AOAH: variants seen among roughly 807,000 people sequenced by gnomAD.
AOAH encodes the protein acyloxyacyl hydrolase (neutrophil).
In AOAH, 64 loss-of-function variants were observed where a neutral mutation model predicts 92.2. The observed-to-expected ratio is 0.69, with a 90% CI of 0.57 to 0.86. The LOEUF is 0.86. Ranked by LOEUF, AOAH falls within the 40% of genes least tolerant of loss-of-function variation. AOAH has a pLI of 0.00. For synonymous variants in AOAH, 263 were observed against 254.5 expected (o/e 1.03, Z -0.32); for missense variants, 656 against 694.6 (o/e 0.94, Z 0.62).
At chr7:36,556,806 C>A (rs1405907033) in intron 13 of AOAH, among the ~76,000 whole-genome samples, 3 of 144,094 alleles carry the variant, frequency 2.1e-5, no homozygotes, top group African/African-American at 7.7e-5. Context: ...AGGATTGCAA[C>A]CCCTGCCTTT....
chr7:36,703,827 T>C (rs1197793324), intron 1 of AOAH, among the ~76,000 whole-genome samples: 1 of 152,226 alleles, frequency 6.6e-6, no homozygotes, highest in Admixed American at 6.6e-5. Flanking sequence ...ATATACCCAC[T>C]AATGGGATTG....
rs78667684 is a variant in AOAH at position 36,564,929 on chromosome 7, C to T, written c.1021+11645G>A. Among the ~76,000 whole-genome samples the T allele has an allele frequency of 3.1e-3, 470 of 152,154 alleles. 9 individuals carry two copies. The East Asian group carries it at 0.052, about 17-fold the overall frequency. On this transcript the variant is annotated intron_variant, in intron 13 of 20. Transcript: ENST00000617537. ...GAATCAGAATGTCTCCATTATTTAA[C>T]GAACCTTTAAATTTCAAAACCTTGA...
intron 15 of AOAH, among the ~76,000 whole-genome samples, chr7:36,547,056 T>C (rs1345490111): frequency 6.6e-6 from 1 of 152,256 alleles, no homozygotes; most frequent in Non-Finnish European, 1.5e-5. Flanking sequence ...GCAAGTTCCT[T>C]ATCCTTGCCA....
Position 36,558,547 on chromosome 7 carries a change from C to T in AOAH, c.1022-9072G>A, listed in dbSNP as rs368895493. On this transcript the variant is annotated intron_variant, in intron 13 of 20. Transcript: ENST00000617537. ...TTAAGTCTGCAGAGGTTACTGCTGT[C>T]TTTTTGTTTGTCTGTGCCCTGCCCC... 2.7e-3 allele frequency among the ~76,000 whole-genome samples: 417 copies of T among 152,380 alleles called. 1 individual carries two copies. Among genetic ancestry groups the T allele is most frequent in the African/African-American group, 8.3e-3 (347 of 41,592 alleles).
At chr7:36,528,509 T>C (rs917724788) in intron 19 of AOAH, among the ~76,000 whole-genome samples, 8 of 152,208 alleles carry the variant, frequency 5.3e-5, no homozygotes, top group Middle Eastern at 3.2e-3. Context: ...AGCACCTTCA[T>C]AGCTCCTGGC....
chr7:36,585,802 C>T (rs1168615629), intron 12 of AOAH, among the ~76,000 whole-genome samples: 1 of 152,194 alleles, frequency 6.6e-6, no homozygotes, highest in African/African-American at 2.4e-5. Context: ...TCACACTAAA[C>T]TGATCACAGG....
intron 16 of AOAH, among the ~76,000 whole-genome samples, chr7:36,534,994 CTGCTTGTGTGTATCTGTG>C (rs1287187170): frequency 7.6e-6 from 1 of 131,984 alleles, no homozygotes; most frequent in African/African-American, 2.9e-5. Flanking sequence ...TTGTGTGTGT[CTGCTTGTGTGTATCTGTG>C]TGTGTCTGTG....
chr7:36,656,696 T>C (rs1156374744), intron 4 of AOAH, among the ~76,000 whole-genome samples: 1 of 151,652 alleles, frequency 6.6e-6, no homozygotes, highest in Non-Finnish European at 1.5e-5. Context: ...TTTGTTTACG[T>C]TTTTTATGAC....
At chr7:36,667,115 C>G (rs1795593657) in intron 3 of AOAH, among the ~76,000 whole-genome samples, 1 of 152,120 alleles carries the variant, frequency 6.6e-6, no homozygotes, top group South Asian at 2.1e-4. Context: ...CAGTAGTCCC[C>G]CCTTATCTGA....
At chr7:36,572,919 A>C (rs1327535212) in intron 13 of AOAH, among the ~76,000 whole-genome samples, 1 of 152,192 alleles carries the variant, frequency 6.6e-6, no homozygotes, top group Non-Finnish European at 1.5e-5. Flanking sequence ...GAGGATGGGG[A>C]AGATGGCCCA....
chr7:36,682,700 TAAA>T (rs1469427677), intron 2 of AOAH, among the ~76,000 whole-genome samples: 1 of 151,394 alleles, frequency 6.6e-6, no homozygotes, highest in African/African-American at 2.4e-5. Flanking sequence ...AAATAAAGAA[TAAA>T]GAAGTGAAGT....
chr7:36,574,145 AT>A (rs1477670284), intron 13 of AOAH, among the ~76,000 whole-genome samples: 2 of 152,246 alleles, frequency 1.3e-5, no homozygotes, highest in African/African-American at 4.8e-5. Context: ...AACTAAAAAA[AT>A]ATCTTTTTAC....
intron 11 of AOAH, among the ~76,000 whole-genome samples, chr7:36,606,304 A>G (rs1298594836): frequency 6.6e-6 from 1 of 152,186 alleles, no homozygotes; most frequent in Non-Finnish European, 1.5e-5. Flanking sequence ...GATATACAAA[A>G]TCATCTCAAA....
intron 6 of AOAH, among the ~76,000 whole-genome samples, chr7:36,626,212 G>A (rs1313225604): frequency 1.3e-5 from 2 of 152,158 alleles, no homozygotes; most frequent in Admixed American, 1.3e-4. Context: ...CAGAAATGAC[G>A]TAGACCCAAA....
chr7:36,698,593 C>T (rs1225668828), intron 1 of AOAH, among the ~76,000 whole-genome samples: 2 of 152,026 alleles, frequency 1.3e-5, no homozygotes, highest in Non-Finnish European at 1.5e-5. Context: ...GCTTTAGCTG[C>T]ATTCAATAGA....
At chr7:36,684,906 CAAAAAAAAAAAAAAA>C (rs57827044) in intron 2 of AOAH, among the ~76,000 whole-genome samples, 3 of 59,988 alleles carry the variant, frequency 5.0e-5, no homozygotes, top group African/African-American at 6.4e-5. Context: ...GACCTTGTCT[CAAAAAAAAAAAAAAA>C]AAAAAAAAAA....
At chr7:36,524,569 G>A (rs1024258749) in intron 19 of AOAH, among the ~76,000 whole-genome samples, 6 of 151,530 alleles carry the variant, frequency 4.0e-5, no homozygotes, top group South Asian at 2.1e-4. Context: ...CCAGCTACTC[G>A]AGAGGCTGAG....
intron 11 of AOAH, among the ~76,000 whole-genome samples, chr7:36,608,955 C>T (rs1791216692): frequency 6.6e-6 from 1 of 151,272 alleles, no homozygotes; most frequent in South Asian, 2.1e-4. Context: ...CCAGAAGTTT[C>T]CTAACAGGGA....
In AOAH at chr7:36,607,421, C is replaced by A. The variant is rs191377028; in HGVS notation, c.846+8959G>T. Among the ~76,000 whole-genome samples the A allele has an allele frequency of 6.8e-4, 104 of 152,268 alleles. 1 individual carries two copies. Among genetic ancestry groups the A allele is most frequent in the African/African-American group, 2.2e-3 (92 of 41,554 alleles). On this transcript the variant is annotated intron_variant, in intron 11 of 20. Transcript: ENST00000617537. ...TAAATGCATTCCTACCATCAGACCCCAAGGGAGACTCCTGCTGGTGTTTGA... is the reference window on the plus strand; with the variant it reads ...TAAATGCATTCCTACCATCAGACCCAAAGGGAGACTCCTGCTGGTGTTTGA...
Sources: allele counts gnomAD v4.1 joint callset (sites outside exome capture counted in the v4.1 genomes callset), GRCh38; gene constraint gnomAD v4.1.1; transcripts MANE v1.5; gene names NCBI Gene and HGNC (gene_info 2026-07-23, HGNC 2026-07-21).